Variants in TTC39B observed in about 807,000 individuals in gnomAD.
TTC39B encodes the protein tetratricopeptide repeat protein 39B.
TTC39B carries 92 observed loss-of-function variants against 96.6 expected under a neutral mutation model. That is an observed-to-expected ratio of 0.95 (90% confidence interval 0.80 to 1.13). The LOEUF is 1.13. Ranked by LOEUF, TTC39B falls within the 50% of genes most tolerant of loss-of-function variation. The probability of loss-of-function intolerance (pLI) is 0.00; values close to 1 mark genes in which losing one functional copy is unlikely to be tolerated. For missense variants in TTC39B, 955 were observed against 809.3 expected, an observed-to-expected ratio of 1.18 and a Z score of -2.18; for synonymous variants, 367 against 299.4, an observed-to-expected ratio of 1.23 and a Z score of -2.33.
chr9:15,207,113 G>A (rs1357092790), intron 6 of TTC39B, among the ~76,000 whole-genome samples: 1 of 152,132 alleles, frequency 6.6e-6, no homozygotes, highest in Non-Finnish European at 1.5e-5. Context: ...GTTTCCTGAG[G>A]TCTCCCCAGC....
At chr9:15,214,221 T>C in exon 4 of TTC39B, 2 of 1,614,026 alleles carry the variant, frequency 1.2e-6, no homozygotes, top group Non-Finnish European at 1.7e-6. Context: ...TCGAGGCCAC[T>C]CTTGAGATCC....
chr9:15,210,129 G>C lies in TTC39B; in HGVS notation c.650C>G (p.Ser217Ter). The stretch of plus-strand genomic sequence containing the variant: ...CAGGGATCCTCTAGAAAGAAGACTT[G>C]AGAAAGATTCTACAACTGTGTATTT... The change falls in exon 6 of 20, where the codon TCA (serine) becomes TGA (stop). Residue 217 changes from serine to a stop codon, truncating the protein, a stop_gained. Coordinates refer to ENST00000512701, the Ensembl canonical transcript of TTC39B. LOFTEE classifies it high-confidence loss of function. 2 of 1,606,546 alleles carry C rather than the reference G, an allele frequency of 1.2e-6. No homozygotes were observed. Among genetic ancestry groups the C allele is most frequent in the South Asian group, 1.1e-5 (1 of 88,976 alleles).
chr9:15,177,629 C>G, intron 18 of TTC39B, 68 bp downstream of exon 18: 1 of 1,046,246 alleles, frequency 9.6e-7, no homozygotes. Flanking sequence ...CATTTTGCAT[C>G]ACTTTCTCAC....
intron 1 of TTC39B, among the ~76,000 whole-genome samples, chr9:15,303,789 G>A (rs527710959): frequency 1.3e-5 from 2 of 151,900 alleles, no homozygotes; most frequent in South Asian, 4.2e-4. Flanking sequence ...CCGCCACCAC[G>A]CCCAGCTAAT....
In TTC39B at chr9:15,274,705, T is replaced by A. The variant is rs548726115; in HGVS notation, c.241-6757A>T. 3.9e-5 allele frequency among the ~76,000 whole-genome samples: 6 copies of A among 152,286 alleles called. No homozygotes were observed. In the South Asian group the frequency reaches 1.2e-3, roughly 32 times the overall value. Reference sequence around the variant, plus strand: ...AAACATGACCTTCTCAAATTTCAAGTATCACACCTGAAAAAAAACTAACAC... The same window carrying A: ...AAACATGACCTTCTCAAATTTCAAGAATCACACCTGAAAAAAAACTAACAC... On this transcript the variant is annotated intron_variant, in intron 1 of 19. Coordinates refer to ENST00000512701, the Ensembl canonical transcript of TTC39B.
intron 7 of TTC39B, among the ~76,000 whole-genome samples, chr9:15,200,300 C>T (rs1223674450): frequency 6.6e-6 from 1 of 152,220 alleles, no homozygotes; most frequent in Non-Finnish European, 1.5e-5. Flanking sequence ...ACAATCTGCT[C>T]TAAGGCCAAA....
intron 19 of TTC39B, among the ~76,000 whole-genome samples, chr9:15,172,495 A>G (rs2118411939): frequency 6.6e-6 from 1 of 152,296 alleles, no homozygotes; most frequent in South Asian, 2.1e-4. Context: ...GGTTAGCATG[A>G]TCACATGATC....
intron 1 of TTC39B, among the ~76,000 whole-genome samples, 190 bp from the exon 2 acceptor site, chr9:15,268,138 G>A (rs1363534031): frequency 6.6e-6 from 1 of 152,066 alleles, no homozygotes; most frequent in African/African-American, 2.4e-5. Context: ...GCATTTCAGT[G>A]ACGTTTAATT....
At chr9:15,232,033 T>C (rs890772488) in intron 2 of TTC39B, among the ~76,000 whole-genome samples, 6 of 152,086 alleles carry the variant, frequency 3.9e-5, no homozygotes, top group Admixed American at 6.5e-5. Flanking sequence ...GTGATACTCA[T>C]GGGCAAGCTA....
chr9:15,172,617 A>G (rs1390982890), intron 19 of TTC39B, among the ~76,000 whole-genome samples: 1 of 152,170 alleles, frequency 6.6e-6, no homozygotes, highest in Non-Finnish European at 1.5e-5. Flanking sequence ...GGTTTGGCCA[A>G]TAATTACATA....
chr9:15,266,633 A>T (rs1379358410), intron 2 of TTC39B, among the ~76,000 whole-genome samples: 2 of 152,168 alleles, frequency 1.3e-5, no homozygotes, highest in Non-Finnish European at 2.9e-5. Context: ...ACTGTAAAAC[A>T]AACGGTGCCC....
At chr9:15,182,181 G>C (rs1818281774) in intron 17 of TTC39B, 126 bp downstream of exon 17, 2 of 558,776 alleles carry the variant, frequency 3.6e-6, no homozygotes, top group South Asian at 5.7e-5. Context: ...CCAGACCCCT[G>C]CAGCTCAAGC....
chr9:15,195,115 T>C (rs1819079736), intron 8 of TTC39B, among the ~76,000 whole-genome samples: 1 of 152,180 alleles, frequency 6.6e-6, no homozygotes, highest in Non-Finnish European at 1.5e-5. Context: ...GAAAAGTTCT[T>C]GAAGAAAATT....
intron 8 of TTC39B, among the ~76,000 whole-genome samples, chr9:15,194,841 T>C (rs1317373996): frequency 6.6e-6 from 1 of 152,224 alleles, no homozygotes; most frequent in East Asian, 1.9e-4. Flanking sequence ...GTGTGTGTTC[T>C]GACTGCTCTA....
chr9:15,190,810 A>G (rs796325456), intron 10 of TTC39B, 148 bp from the exon 11 acceptor site: 10 of 686,356 alleles, frequency 1.5e-5, no homozygotes, highest in African/African-American at 1.4e-4. Flanking sequence ...TAGTGTCCCT[A>G]TCACCGCAAG....
At chr9:15,207,233 C>G (rs1819917347) in intron 6 of TTC39B, among the ~76,000 whole-genome samples, 2 of 152,134 alleles carry the variant, frequency 1.3e-5, no homozygotes, top group African/African-American at 2.4e-5. Flanking sequence ...CTCCTGGGCT[C>G]AAGGGATCCT....
chr9:15,261,315 C>T (rs1474126910), intron 2 of TTC39B, among the ~76,000 whole-genome samples: 2 of 151,844 alleles, frequency 1.3e-5, no homozygotes, highest in African/African-American at 2.4e-5. Flanking sequence ...TGCATCTCTA[C>T]AAAAAATAAA....
At chr9:15,181,691 T>C (rs1818257405) in intron 17 of TTC39B, among the ~76,000 whole-genome samples, 1 of 152,172 alleles carries the variant, frequency 6.6e-6, no homozygotes, top group African/African-American at 2.4e-5. Flanking sequence ...AACACACTAA[T>C]GGTTAGACAG....
intron 2 of TTC39B, among the ~76,000 whole-genome samples, chr9:15,244,765 G>C (rs1822197788): frequency 6.6e-6 from 1 of 152,218 alleles, no homozygotes; most frequent in East Asian, 1.9e-4. Context: ...CTCCACGTTG[G>C]AATGCAGATA....
Sources: allele counts gnomAD v4.1 joint callset (sites outside exome capture counted in the v4.1 genomes callset), GRCh38; gene constraint gnomAD v4.1.1; transcripts MANE v1.5; gene names NCBI Gene and HGNC (gene_info 2026-07-23, HGNC 2026-07-21).